The following UBE4A variants were observed in gnomAD, a reference collection of about 807,000 sequenced individuals.
UBE4A encodes the protein ubiquitination factor E4A.
UBE4A carries 48 observed loss-of-function variants against 117.9 expected under a neutral mutation model. That is an observed-to-expected ratio of 0.41 (90% CI 0.32 to 0.52). The LOEUF (loss-of-function observed/expected upper bound fraction) is 0.52. Among genes scored for constraint, UBE4A ranks in the 20% least tolerant of loss-of-function variants. UBE4A has a pLI of 0.33. For missense variants in UBE4A, 1,067 were observed against 1,296.3 expected (o/e 0.82, Z 2.72); for synonymous variants, 407 against 450.0 (o/e 0.90, Z 1.21).
Position 118,381,534 on chromosome 11 carries a change from G to C in UBE4A, c.2009+11G>C, listed in dbSNP as rs782034112. ...TGGAAGCATAGAAAGGTGAAGTGCT[G>C]AAAGCTTGGTTCTGTCACTGTTTAG... On this transcript the variant is annotated intron_variant, in intron 12 of 19. Coordinates refer to ENST00000252108, the MANE Select transcript of UBE4A (RefSeq NM_001204077.2). 8 of 1,613,218 alleles carry C rather than the reference G, an allele frequency of 5.0e-6. No individual in the cohort carries two copies. The East Asian group carries it at 1.3e-4, about 27-fold the overall frequency.
intron 11 of UBE4A, among the ~76,000 whole-genome samples, chr11:118,380,124 TGTGTGTGTGC>T (rs1345065286): frequency 6.5e-5 from 5 of 77,366 alleles, no homozygotes; most frequent in East Asian, 2.2e-3. Context: ...AGAGTGTGTG[TGTGTGTGTGC>T]GTGTGTGTGT....
chr11:118,362,756 G>A lies in UBE4A; in HGVS notation c.-41-2284G>A, dbSNP rs373906626. Among the ~76,000 whole-genome samples, 11 of 152,274 alleles carry A rather than the reference G, an allele frequency of 7.2e-5. No homozygotes were observed. In the South Asian group the frequency reaches 8.3e-4, roughly 11 times the overall value. ...CAATCAGGAGAAAACTCACTTTTCC[G>A]TAGATTCAGCTGAAGTCCTGAAGCT... On this transcript the variant is annotated intron_variant, in intron 1 of 19. Transcript: ENST00000252108.
intron 16 of UBE4A, 37 bp from the exon 17 acceptor site, chr11:118,389,688 T>C (rs782030681): frequency 1.3e-6 from 2 of 1,545,646 alleles, no homozygotes. Flanking sequence ...AGAGTGCTAA[T>C]GGATTGAGTT....
At position 118,375,015 on chromosome 11, in the gene UBE4A, C is replaced by T. The variant is rs1299305236; in HGVS notation, c.1236C>T (p.Gly412=). 6.2e-7 allele frequency: 1 copy of T among 1,613,734 alleles called. No individual in the cohort carries two copies. The highest frequency in any genetic ancestry group is 8.5e-7 in the Non-Finnish European group (1 of 1,179,804). ...GAAACTGTTTGCATGCAAATGCAGGCCGCACCAAGATTTGGGCCAATCAGA... is the reference window on the plus strand; with the variant it reads ...GAAACTGTTTGCATGCAAATGCAGGTCGCACCAAGATTTGGGCCAATCAGA... ...WLGNCLHANA[G]RTKIWANQMP... is the part of the protein sequence containing the mutation. Residue 412 remains glycine (G), a synonymous_variant, in exon 9 of 20, where the codon GGC becomes GGT. Coordinates refer to ENST00000252108, the MANE Select transcript of UBE4A (RefSeq NM_001204077.2).
chr11:118,381,419 T>C lies in UBE4A; in HGVS notation c.1905T>C (p.Phe635=). 1 of 1,614,182 alleles carries C rather than the reference T, an allele frequency of 6.2e-7. No individual in the cohort carries two copies. The highest frequency in any genetic ancestry group is 8.5e-7 in the Non-Finnish European group (1 of 1,180,018). ...PEFFADNLGD[F]LIFLRRFADD... ...TTTTTGCAGATAACCTGGGTGATTTTCTCATTTTTCTCCGCCGCTTTGCCG... is the reference window on the plus strand; with the variant it reads ...TTTTTGCAGATAACCTGGGTGATTTCCTCATTTTTCTCCGCCGCTTTGCCG... The change falls in exon 12 of 20, where the codon TTT becomes TTC. Residue 635 remains phenylalanine, a synonymous_variant. Coordinates refer to ENST00000252108, the MANE Select transcript of UBE4A (RefSeq NM_001204077.2).
rs1948623610 is a variant in UBE4A at position 118,373,216 on chromosome 11, GCT to G, written c.855_856del (p.Cys286SerfsTer16). 1 of 1,613,680 alleles carries G rather than the reference GCT, an allele frequency of 6.2e-7. No individual in the cohort carries two copies. Among genetic ancestry groups the G allele is most frequent in the Non-Finnish European group, 8.5e-7 (1 of 1,179,998 alleles). On this transcript the variant is annotated frameshift_variant, in exon 7 of 20. Coordinates refer to ENST00000252108, the MANE Select transcript of UBE4A (RefSeq NM_001204077.2). LOFTEE classifies it high-confidence loss of function. ...TATTGGGCCGAATAAAAGATCTAGA[GCT>G]CTGTCAGATCCTTTTGTATGCATAT... The part of the protein sequence containing the change: ...ILLGRIKDLE[L>X]CQILLYAYLD...
rs1948794820 is a variant in UBE4A, at chr11:118,389,722, CAGAGAT to C, written c.2588-2_2591del. On this transcript the variant is annotated splice_acceptor_variant and coding_sequence_variant, in exon 17 of 20. Transcript: ENST00000252108. LOFTEE classifies it high-confidence loss of function. ...TTTTCAGAGACTTTGGATTCTTTTCCAGAGATCAAGTCACTCTTTGTGCATCCCTTC... is the reference window on the plus strand; with the variant it reads ...TTTTCAGAGACTTTGGATTCTTTTCCCAAGTCACTCTTTGTGCATCCCTTC... 1 of 1,582,936 alleles carries C rather than the reference CAGAGAT, an allele frequency of 6.3e-7. No homozygotes were observed.
chr11:118,390,031 T>C, intron 17 of UBE4A, 126 bp downstream of exon 17: 1 of 1,067,856 alleles, frequency 9.4e-7, no homozygotes, highest in East Asian at 2.7e-5. Context: ...AGTTGCTTGA[T>C]GAAGGAATCT....
intron 19 of UBE4A, among the ~76,000 whole-genome samples, chr11:118,394,986 A>G (rs34483188): frequency 2.0e-5 from 3 of 152,128 alleles, no homozygotes; most frequent in Non-Finnish European, 4.4e-5. Flanking sequence ...AGATAGATAC[A>G]TGTGGTATAC....
chr11:118,360,962 A>G (rs1948515295), intron 1 of UBE4A, among the ~76,000 whole-genome samples: 1 of 151,806 alleles, frequency 6.6e-6, no homozygotes, highest in Non-Finnish European at 1.5e-5. Flanking sequence ...AGGAAAAAAA[A>G]TACATACATA....
intron 2 of UBE4A, among the ~76,000 whole-genome samples, chr11:118,366,897 C>G (rs147724765): frequency 6.6e-6 from 1 of 152,052 alleles, no homozygotes; most frequent in Non-Finnish European, 1.5e-5. Context: ...GACAAAACCC[C>G]GTCTCTACTA....
At position 118,398,747 on chromosome 11, in the gene UBE4A, A is replaced by G. The variant is rs549783918; in HGVS notation, c.*2307A>G. On this transcript the variant is annotated 3_prime_UTR_variant, in exon 20 of 20. Transcript: ENST00000252108. ...GCTCATAACTTACCAAGAGGCTAAT[A>G]CTAAACTTGGAAAATTGTTTAAGTA... 1 of 172,118 alleles carries G rather than the reference A, an allele frequency of 5.8e-6. No homozygotes were observed. The highest frequency in any genetic ancestry group is 6.0e-5 in the Admixed American group (1 of 16,668). The allele number at this position is 172,118 out of a possible 1,614,324, so 10.7% of individuals were successfully genotyped here. A position where few individuals can be genotyped will look rare whatever the true frequency, so the allele number is the denominator to read the frequency against.
Position 118,368,898 on chromosome 11 carries a change from T to A in UBE4A, c.295+94T>A, listed in dbSNP as rs1304805121. 5 of 1,302,536 alleles carry A rather than the reference T, an allele frequency of 3.8e-6. No homozygotes were observed. In the African/African-American group the frequency reaches 7.3e-5, roughly 19 times the overall value. The allele number at this position is 1,302,536 out of a possible 1,614,324, so 80.7% of individuals were successfully genotyped here. ...AAACTGGTTACAGCTAATGGTTAGA[T>A]ACAAACCTACTCACTGCACTCCCTG... On this transcript the variant is annotated intron_variant, in intron 3 of 19. Coordinates refer to ENST00000252108, the MANE Select transcript of UBE4A (RefSeq NM_001204077.2).
rs767503994 is a variant in UBE4A, at chr11:118,371,683, C to T, written c.561+17C>T. 3 of 1,605,974 alleles carry T rather than the reference C, an allele frequency of 1.9e-6. No homozygotes were observed. The highest frequency in any genetic ancestry group is 2.2e-5 in the South Asian group (2 of 90,602). Reference sequence around the variant, plus strand: ...AAGGAAGAGGTAAAGGAATAATCCCCATTGAATACTGTATTGTCCTCTTGG... The same window carrying T: ...AAGGAAGAGGTAAAGGAATAATCCCTATTGAATACTGTATTGTCCTCTTGG... On this transcript the variant is annotated intron_variant, in intron 5 of 19. Coordinates refer to ENST00000252108, the MANE Select transcript of UBE4A (RefSeq NM_001204077.2).
chr11:118,370,701 A>AT (rs1254353744), intron 4 of UBE4A, among the ~76,000 whole-genome samples: 3 of 152,032 alleles, frequency 2.0e-5, no homozygotes, highest in African/African-American at 7.2e-5. Context: ...GGCTGAGAAG[A>AT]TTCAGGGTAT....
intron 19 of UBE4A, among the ~76,000 whole-genome samples, chr11:118,395,917 A>G (rs1285442173): frequency 1.3e-5 from 2 of 152,042 alleles, no homozygotes; most frequent in East Asian, 3.9e-4. Flanking sequence ...TCTACTGAAA[A>G]TACAAAAATT....
At chr11:118,394,411 A>T (rs1395496798) in intron 19 of UBE4A, among the ~76,000 whole-genome samples, 1 of 151,556 alleles carries the variant, frequency 6.6e-6, no homozygotes, top group Non-Finnish European at 1.5e-5. Flanking sequence ...GTCCACTCAC[A>T]TCAGCCTCCC....
At chr11:118,361,586 G>A (rs138030592) in intron 1 of UBE4A, among the ~76,000 whole-genome samples, 72 of 152,230 alleles carry the variant, frequency 4.7e-4, no homozygotes, top group African/African-American at 1.6e-3. Context: ...TTTGACATAC[G>A]TGTGAAAAAG....
intron 8 of UBE4A, 30 bp downstream of exon 8, chr11:118,373,715 C>A: frequency 6.3e-7 from 1 of 1,590,418 alleles, no homozygotes; most frequent in South Asian, 1.1e-5. Context: ...TATCCCAGCC[C>A]CCTGATCTTA....
Sources: allele counts gnomAD v4.1 joint callset (sites outside exome capture counted in the v4.1 genomes callset), GRCh38; gene constraint gnomAD v4.1.1; transcripts MANE v1.5; gene names NCBI Gene and HGNC (gene_info 2026-07-23, HGNC 2026-07-21).